ATAD2B: variants seen among roughly 807,000 people sequenced by gnomAD.
ATAD2B encodes ATPase family AAA domain containing 2B, also known as ATPase family AAA domain-containing protein 2B.
In ATAD2B, 40 loss-of-function variants were observed where a neutral mutation model predicts 167.6. The observed-to-expected ratio is 0.24, with a 90% CI of 0.19 to 0.31. The LOEUF (loss-of-function observed/expected upper bound fraction) is 0.31. ATAD2B is among the 10% of genes least tolerant of loss of function. ATAD2B has a pLI of 1.00. For synonymous variants in ATAD2B, 579 were observed against 596.5 expected, an observed-to-expected ratio of 0.97 and a Z score of 0.43; for missense variants, 1,242 against 1,757.2, an observed-to-expected ratio of 0.71 and a Z score of 5.24.
chr2:23,732,177 T>C, the ATAD2B span, among the ~76,000 whole-genome samples: 1 of 152,156 alleles, frequency 6.6e-6, no homozygotes, highest in African/African-American at 2.4e-5. Context: ...TAAATGAACA[T>C]AGCCTCACCA....
At position 23,818,096 on chromosome 2, in the gene ATAD2B, TACACACACAC is replaced by T. The variant is rs70941591; in HGVS notation, c.2267+1641_2267+1650del. ...CACATAAACACACACACACACACAT[TACACACACAC>T]ACACACACACACACATTACACACAC... On this transcript the variant is annotated intron_variant, in intron 17 of 27. Coordinates refer to ENST00000238789, the MANE Select transcript of ATAD2B (RefSeq NM_017552.4). Among the ~76,000 whole-genome samples the T allele has an allele frequency of 2.8e-4, 39 of 139,476 alleles. 2 individuals carry two copies. Among genetic ancestry groups the T allele is most frequent in the South Asian group, 1.4e-3 (6 of 4,390 alleles). 91.5% of individuals were successfully genotyped at this position (139,476 alleles called of 152,430 possible).
chr2:23,760,717 C>CACACACACATAT (rs1676592765), intron 24 of ATAD2B, among the ~76,000 whole-genome samples: 4 of 144,072 alleles, frequency 2.8e-5, no homozygotes, highest in Non-Finnish European at 4.6e-5. Flanking sequence ...CACACACACA[C>CACACACACATAT]ACACACACAC....
chr2:23,840,308 A>G (rs1230534272), intron 13 of ATAD2B, among the ~76,000 whole-genome samples: 1 of 152,186 alleles, frequency 6.6e-6, no homozygotes, highest in Non-Finnish European at 1.5e-5. Flanking sequence ...CCAAAACATT[A>G]CATTTTGCAT....
the ATAD2B span, among the ~76,000 whole-genome samples, chr2:23,729,071 A>G: frequency 1.3e-5 from 2 of 152,204 alleles, no homozygotes; most frequent in Non-Finnish European, 2.9e-5. Flanking sequence ...TATTGTGAGA[A>G]CTCACTATCA....
intron 16 of ATAD2B, among the ~76,000 whole-genome samples, chr2:23,821,965 G>A (rs1379643417): frequency 6.6e-6 from 1 of 152,044 alleles, no homozygotes; most frequent in Non-Finnish European, 1.5e-5. Context: ...CATGAGTGAT[G>A]TTTTTAAAGG....
intron 17 of ATAD2B, among the ~76,000 whole-genome samples, chr2:23,818,665 T>A (rs978178851): frequency 6.6e-6 from 1 of 152,138 alleles, no homozygotes; most frequent in African/African-American, 2.4e-5. Flanking sequence ...AGACTTAAAT[T>A]TGTTCAAAAT....
chr2:23,791,315 T>C (rs989738093), intron 19 of ATAD2B, among the ~76,000 whole-genome samples: 2 of 152,094 alleles, frequency 1.3e-5, no homozygotes, highest in African/African-American at 4.8e-5. Context: ...GTGGAATTGC[T>C]GAGTCATACC....
At chr2:23,792,833 G>A (rs574519304) in intron 19 of ATAD2B, among the ~76,000 whole-genome samples, 8 of 151,490 alleles carry the variant, frequency 5.3e-5, no homozygotes, top group Admixed American at 5.3e-4. Flanking sequence ...GTGGTGGCGG[G>A]CGCCTTTAGT....
the ATAD2B span, among the ~76,000 whole-genome samples, chr2:23,742,917 C>T: frequency 6.6e-6 from 1 of 151,894 alleles, no homozygotes; most frequent in South Asian, 2.1e-4. Context: ...AGTAGAGAGG[C>T]CTAAGAAAAG....
chr2:23,813,881 A>G (rs920114073), intron 17 of ATAD2B, among the ~76,000 whole-genome samples: 17 of 152,230 alleles, frequency 1.1e-4, no homozygotes, highest in African/African-American at 3.6e-4. Flanking sequence ...TTTATTTTTA[A>G]TTCATAATAA....
chr2:23,865,714 T>C (rs928964780), intron 10 of ATAD2B, among the ~76,000 whole-genome samples: 1 of 152,144 alleles, frequency 6.6e-6, no homozygotes, highest in Non-Finnish European at 1.5e-5. Flanking sequence ...GACAAAATCT[T>C]ATTCTTTAAC....
At chr2:23,700,935 C>T in the ATAD2B span, among the ~76,000 whole-genome samples, 2 of 152,162 alleles carry the variant, frequency 1.3e-5, no homozygotes, top group Non-Finnish European at 2.9e-5. This position sits in a 1 kb window ranked among gnomAD's most constrained non-coding sequence, Gnocchi z 4.6. Flanking sequence ...TGTCCTCAGC[C>T]CCCATGCACT....
intron 18 of ATAD2B, among the ~76,000 whole-genome samples, chr2:23,807,439 C>A (rs949252813): frequency 4.6e-5 from 7 of 152,118 alleles, no homozygotes; most frequent in Non-Finnish European, 1.0e-4. Context: ...AGATAACAAA[C>A]AAAATTCTTC....
chr2:23,698,352 T>TG, the ATAD2B span, among the ~76,000 whole-genome samples: 1 of 152,060 alleles, frequency 6.6e-6, no homozygotes, highest in African/African-American at 2.4e-5. Flanking sequence ...GGTTGGAGGG[T>TG]GCAGGGGAAG....
chr2:23,733,110 C>T, the ATAD2B span, among the ~76,000 whole-genome samples: 1 of 152,206 alleles, frequency 6.6e-6, no homozygotes, highest in Non-Finnish European at 1.5e-5. Flanking sequence ...CCTACCATCT[C>T]CATTCTCTCA....
chr2:23,682,638 T>C, the ATAD2B span, among the ~76,000 whole-genome samples: 1 of 151,928 alleles, frequency 6.6e-6, no homozygotes, highest in Admixed American at 6.6e-5. This position sits in a 1 kb window ranked among gnomAD's most constrained non-coding sequence, Gnocchi z 4.1. Context: ...CATGGCCCTT[T>C]TGTCCACCTG....
At chr2:23,906,920 C>T (rs952843233) in intron 1 of ATAD2B, among the ~76,000 whole-genome samples, 1 of 151,124 alleles carries the variant, frequency 6.6e-6, no homozygotes, top group Non-Finnish European at 1.5e-5. Flanking sequence ...TTCAACAACC[C>T]TTCATGCTAA....
chr2:23,854,201 C>T (rs1692997288), intron 13 of ATAD2B, among the ~76,000 whole-genome samples: 1 of 151,628 alleles, frequency 6.6e-6, no homozygotes, highest in South Asian at 2.1e-4. Context: ...GCTGAGATCG[C>T]GCGACTGCAC....
At chr2:23,872,151 C>A in intron 8 of ATAD2B, 1 of 280,654 alleles carries the variant, frequency 3.6e-6, no homozygotes, top group Admixed American at 4.5e-5. Flanking sequence ...GCTGGGATTA[C>A]AGGCATGAGC....
Sources: gnomAD v4.1 joint callset for allele counts (sites outside exome capture counted in the v4.1 genomes callset) on GRCh38, gnomAD v4.1.1 for gene constraint, Gnocchi (gnomAD v3.1) non-coding constraint, MANE v1.5 for transcripts, NCBI Gene and HGNC (gene_info 2026-07-23, HGNC 2026-07-21) for gene names.